Variants in PLCH2 observed in about 807,000 individuals in gnomAD.
PLCH2 encodes 1-phosphatidylinositol 4,5-bisphosphate phosphodiesterase eta-2.
PLCH2 carries 98 observed loss-of-function variants against 134.7 expected under a neutral mutation model. That is an observed-to-expected ratio of 0.73 (90% confidence interval 0.62 to 0.86). PLCH2 has a LOEUF of 0.86. PLCH2 is among the 40% of genes least tolerant of loss of function. The probability of loss-of-function intolerance (pLI) is 0.00; values close to 1 mark genes in which losing one functional copy is unlikely to be tolerated. For synonymous variants in PLCH2, 974 were observed against 827.5 expected (o/e 1.18, Z -3.04); for missense variants, 1,994 against 1,986.6 (o/e 1.00, Z -0.07).
chr1:2,438,988 A>G (rs907391930), intron 2 of PLCH2, among the ~76,000 whole-genome samples: 1 of 152,308 alleles, frequency 6.6e-6, no homozygotes, highest in Non-Finnish European at 1.5e-5. Flanking sequence ...CTCTGGCCAC[A>G]TGGGTGGCTC....
chr1:2,484,501 C>T lies in PLCH2; in HGVS notation c.699C>T (p.Ala233=). 6.2e-7 allele frequency: 1 copy of T among 1,613,366 alleles called. No homozygotes were observed. The highest frequency in any genetic ancestry group is 8.5e-7 in the Non-Finnish European group (1 of 1,179,784). The change falls in exon 5 of 22, where the codon GCC becomes GCT. Residue 233 remains alanine, a synonymous_variant. Coordinates refer to ENST00000378486, the MANE Select transcript of PLCH2 (RefSeq NM_014638.4). ...CGCTGGGTTTTGAAGAGTTCTGTGC[C>T]TTCTACAAGATGATGTCCACCCGCC... The part of the protein sequence containing the change: ...QGTLGFEEFC[A]FYKMMSTRRD...
rs561386054 is a variant in PLCH2, at chr1:2,505,269, T to G, written c.*56T>G. 201 of 1,391,594 alleles carry G rather than the reference T, an allele frequency of 1.4e-4. 4 individuals are homozygous for G. In the South Asian group the frequency reaches 2.5e-3, roughly 17 times the overall value. 86.2% of individuals were successfully genotyped at this position (1,391,594 alleles called of 1,614,324 possible). On this transcript the variant is annotated 3_prime_UTR_variant, in exon 22 of 22. Coordinates refer to ENST00000378486, the MANE Select transcript of PLCH2 (RefSeq NM_014638.4). ...GAGGCCCAGGGCAGGGGTGGGCGTGTTGTTTGCTCAGGAAACAGGGCAGCC... is the reference window on the plus strand; with the variant it reads ...GAGGCCCAGGGCAGGGGTGGGCGTGGTGTTTGCTCAGGAAACAGGGCAGCC...
chr1:2,486,710 G>A (rs1642305041), intron 5 of PLCH2, among the ~76,000 whole-genome samples, 197 bp from the exon 6 acceptor site: 1 of 152,250 alleles, frequency 6.6e-6, no homozygotes, highest in South Asian at 2.1e-4. Flanking sequence ...TGCCGTCAGA[G>A]TTCATAGTCA....
chr1:2,497,435 T>C (rs2477706), intron 15 of PLCH2, 67 bp from the exon 16 acceptor site: 840,251 of 1,082,820 alleles, frequency 0.78, 324,094 homozygotes, highest in East Asian at 0.98. Context: ...CGTGTGGTGG[T>C]GGGTGGGCGG....
Position 2,458,397 on chromosome 1 carries a change from G to A in PLCH2, c.116-20079G>A, listed in dbSNP as rs1003005337. On this transcript the variant is annotated intron_variant, in intron 2 of 3. Transcript: ENST00000609981. ...GCACCTACAGCAGGAGCCCTCAGCC[G>A]GGACCCATGACACAGGAAGGGCTGG... Among the ~76,000 whole-genome samples the A allele has an allele frequency of 6.6e-5, 10 of 152,318 alleles. 1 individual carries two copies. Among genetic ancestry groups the A allele is most frequent in the South Asian group, 6.2e-4 (3 of 4,832 alleles).
At chr1:2,503,725 C>CCAG in intron 21 of PLCH2, 197 bp from the exon 22 acceptor site, 5 of 620,996 alleles carry the variant, frequency 8.1e-6, no homozygotes, top group African/African-American at 1.8e-5. Context: ...GGACTGGGCC[C>CCAG]CAGCAGCAGC....
chr1:2,473,258 G>A (rs1443467194), upstream of PLCH2, among the ~76,000 whole-genome samples: 1 of 152,212 alleles, frequency 6.6e-6, no homozygotes, highest in Non-Finnish European at 1.5e-5. Flanking sequence ...AAGGTCGGGG[G>A]GCAGGCCCAG....
intron 21 of PLCH2, chr1:2,502,786 C>G (rs772259920): frequency 2.8e-6 from 2 of 716,830 alleles, no homozygotes; most frequent in African/African-American, 3.5e-5. Flanking sequence ...CGGGCATCCC[C>G]GAAAGGTCCC....
At chr1:2,475,033 G>A (rs115702045), upstream of PLCH2, among the ~76,000 whole-genome samples, 1,253 of 152,288 alleles carry the variant, frequency 8.2e-3, 2 homozygotes, top group East Asian at 0.011. Flanking sequence ...ACCTGCTTCC[G>A]CCGAGAGCAG....
At chr1:2,457,808 C>T (rs893477195) in intron 2 of PLCH2, among the ~76,000 whole-genome samples, 21 of 150,612 alleles carry the variant, frequency 1.4e-4, no homozygotes, top group Non-Finnish European at 3.0e-5. Context: ...GTGCTGGGAG[C>T]GGCTCCCAGC....
At chr1:2,428,038 C>T (rs1021800952) in intron 1 of PLCH2, among the ~76,000 whole-genome samples, 27 of 152,198 alleles carry the variant, frequency 1.8e-4, no homozygotes, top group Non-Finnish European at 3.1e-4. Flanking sequence ...CCTGGGCACT[C>T]GGCCCGGAGC....
chr1:2,491,351 G>C lies in PLCH2; in HGVS notation c.1659+16G>C. The C allele has an allele frequency of 6.2e-7, 1 of 1,609,718 alleles. No homozygotes were observed. The highest frequency in any genetic ancestry group is 8.5e-7 in the Non-Finnish European group (1 of 1,178,222). On this transcript the variant is annotated intron_variant, in intron 11 of 21. Transcript: ENST00000378486. ...CGGACGCAAGGTAGAGGCCAAAAAG[G>C]TGACACCCCTGATGCCGACAGGCCC...
chr1:2,489,462 A>G (rs1642449250), intron 9 of PLCH2, 84 bp downstream of exon 9: 12 of 1,435,738 alleles, frequency 8.4e-6, no homozygotes, highest in African/African-American at 2.8e-5. Context: ...AGGCAGGGGC[A>G]TCATGCCATC....
intron 6 of PLCH2, 62 bp from the exon 7 acceptor site, chr1:2,487,111 G>C: frequency 6.6e-7 from 1 of 1,508,480 alleles, no homozygotes; most frequent in Non-Finnish European, 9.0e-7. Flanking sequence ...CATGGGGGCA[G>C]GTGGTCATGA....
intron 2 of PLCH2, among the ~76,000 whole-genome samples, chr1:2,450,493 C>T (rs886940056): frequency 6.6e-6 from 1 of 150,836 alleles, no homozygotes; most frequent in African/African-American, 2.4e-5. Flanking sequence ...TCAGCCTGCG[C>T]CCTATACAGC....
upstream of PLCH2, among the ~76,000 whole-genome samples, chr1:2,467,276 C>A (rs1350001103): frequency 6.6e-6 from 1 of 152,148 alleles, no homozygotes; most frequent in Admixed American, 6.5e-5. Flanking sequence ...CCCTTCTGGC[C>A]TCTCAGCGGA....
chr1:2,482,014 A>C (rs958709472), intron 4 of PLCH2, among the ~76,000 whole-genome samples: 1 of 152,272 alleles, frequency 6.6e-6, no homozygotes, highest in African/African-American at 2.4e-5. Context: ...ACCTAAGATA[A>C]GGCTGGAAGT....
chr1:2,449,484 G>A (rs1029763601), intron 2 of PLCH2, among the ~76,000 whole-genome samples: 1 of 148,256 alleles, frequency 6.7e-6, no homozygotes, highest in Admixed American at 6.8e-5. Flanking sequence ...GACATAGTGA[G>A]ACTCTGTCTC....
At chr1:2,474,961 C>T (rs902781452), upstream of PLCH2, among the ~76,000 whole-genome samples, 8 of 152,216 alleles carry the variant, frequency 5.3e-5, no homozygotes, top group Admixed American at 2.0e-4. Flanking sequence ...AGCCCCTCTC[C>T]TCTCCCTGCA....
Sources: allele counts gnomAD v4.1 joint callset (sites outside exome capture counted in the v4.1 genomes callset), GRCh38; gene constraint gnomAD v4.1.1; transcripts MANE v1.5; gene names NCBI Gene and HGNC (gene_info 2026-07-23, HGNC 2026-07-21).